ARMH4: variants seen among roughly 807,000 people sequenced by gnomAD.
ARMH4 encodes the protein armadillo like helical domain containing 4.
A neutral mutation model predicts 61.9 loss-of-function variants in ARMH4; 49 were observed. The observed-to-expected ratio is 0.79, with a 90% CI of 0.63 to 1.00. The LOEUF (loss-of-function observed/expected upper bound fraction) is 1.00, where lower values mean the gene tolerates loss of function less well. ARMH4 is among the 50% of genes least tolerant of loss of function. The pLI is 0.00. For synonymous variants in ARMH4, 368 were observed against 341.5 expected (o/e 1.08, Z -0.85); for missense variants, 934 against 930.0 (o/e 1.00, Z -0.06).
At chr14:58,053,047 C>A (rs2141202884) in intron 5 of ARMH4, among the ~76,000 whole-genome samples, 1 of 152,254 alleles carries the variant, frequency 6.6e-6, no homozygotes, top group Middle Eastern at 3.4e-3. Flanking sequence ...TTGATCCTAC[C>A]TCCTAAATTA....
At chr14:58,103,412 A>G (rs1234312727) in intron 4 of ARMH4, among the ~76,000 whole-genome samples, 2 of 152,092 alleles carry the variant, frequency 1.3e-5, no homozygotes, top group African/African-American at 4.8e-5. Flanking sequence ...CCACATGAGG[A>G]CGCAGCAAGA....
chr14:58,111,795 C>A (rs530089685), intron 4 of ARMH4, among the ~76,000 whole-genome samples: 43 of 152,098 alleles, frequency 2.8e-4, no homozygotes, highest in African/African-American at 8.9e-4. Context: ...TGGGCTCAAG[C>A]AATCCTCCTA....
chr14:58,063,950 T>C (rs1884617271), intron 5 of ARMH4, among the ~76,000 whole-genome samples: 1 of 152,098 alleles, frequency 6.6e-6, no homozygotes, highest in Admixed American at 6.5e-5. Flanking sequence ...GAAATAGCAG[T>C]GAAAGGAAGT....
chr14:58,106,324 G>T (rs555714373), intron 4 of ARMH4, among the ~76,000 whole-genome samples: 2 of 152,306 alleles, frequency 1.3e-5, no homozygotes, highest in East Asian at 3.9e-4. Flanking sequence ...ACCTGGATGA[G>T]ATGTCAGCCA....
intron 1 of ARMH4, among the ~76,000 whole-genome samples, chr14:58,144,774 A>G (rs1352231373): frequency 6.6e-6 from 1 of 152,138 alleles, no homozygotes; most frequent in Non-Finnish European, 1.5e-5. Context: ...AGGCTGAGGC[A>G]GGAGAATGGC....
chr14:58,012,375 T>C (rs568619580), intron 5 of ARMH4, among the ~76,000 whole-genome samples: 36 of 152,320 alleles, frequency 2.4e-4, no homozygotes, highest in African/African-American at 8.4e-4. Context: ...TGGAGAATAT[T>C]TTTGTTTGCT....
chr14:58,046,824 C>G (rs556443639), intron 5 of ARMH4, among the ~76,000 whole-genome samples: 2 of 152,306 alleles, frequency 1.3e-5, no homozygotes, highest in East Asian at 3.9e-4. Context: ...CCAGTGCTAA[C>G]AAATTATTTT....
intron 5 of ARMH4, among the ~76,000 whole-genome samples, chr14:58,030,584 G>A (rs886804743): frequency 1.3e-5 from 2 of 152,118 alleles, no homozygotes; most frequent in African/African-American, 4.8e-5. Flanking sequence ...TTCCCATCAA[G>A]TAACACTGAA....
At chr14:58,089,856 T>C (rs754032109) in intron 5 of ARMH4, among the ~76,000 whole-genome samples, 1 of 152,232 alleles carries the variant, frequency 6.6e-6, no homozygotes, top group Admixed American at 6.5e-5. Flanking sequence ...TCCCTCACTA[T>C]AGAATTGCTC....
intron 5 of ARMH4, among the ~76,000 whole-genome samples, chr14:58,089,710 T>C (rs1031606896): frequency 6.6e-6 from 1 of 152,202 alleles, no homozygotes; most frequent in African/African-American, 2.4e-5. Flanking sequence ...AAGGCTCTAA[T>C]ATTGGAAAGC....
intron 5 of ARMH4, among the ~76,000 whole-genome samples, chr14:58,025,125 A>C (rs574308169): frequency 3.3e-5 from 5 of 152,170 alleles, no homozygotes; most frequent in Non-Finnish European, 7.4e-5. Flanking sequence ...TAAGAAATGC[A>C]ATATCTGCAA....
chr14:58,122,102 C>A, intron 4 of ARMH4, among the ~76,000 whole-genome samples: 1 of 152,162 alleles, frequency 6.6e-6, no homozygotes, highest in East Asian at 1.9e-4. Context: ...AGCCAATACT[C>A]GTGCCCATTC....
chr14:58,131,361 G>C, intron 4 of ARMH4, 151 bp downstream of exon 4: 1 of 545,164 alleles, frequency 1.8e-6, no homozygotes, highest in Non-Finnish European at 3.2e-6. Context: ...TCAAAAACAA[G>C]TGGCAGGCCA....
At chr14:58,105,887 G>T (rs1886153748) in intron 4 of ARMH4, among the ~76,000 whole-genome samples, 1 of 152,128 alleles carries the variant, frequency 6.6e-6, no homozygotes, top group Admixed American at 6.5e-5. Flanking sequence ...TTCTAGTCAT[G>T]TTACCTAGAA....
At chr14:58,033,192 C>T (rs1390466760) in intron 5 of ARMH4, among the ~76,000 whole-genome samples, 2 of 114,580 alleles carry the variant, frequency 1.7e-5, no homozygotes, top group Non-Finnish European at 3.9e-5. Flanking sequence ...TCCCAGCACG[C>T]AGCTGGAGAT....
chr14:58,079,059 C>A (rs1267250041), intron 5 of ARMH4, among the ~76,000 whole-genome samples: 1 of 152,176 alleles, frequency 6.6e-6, no homozygotes, highest in Non-Finnish European at 1.5e-5. Context: ...TGAGACCATG[C>A]AATTTGGAAA....
chr14:58,116,484 G>T, intron 4 of ARMH4: 1 of 275,684 alleles, frequency 3.6e-6, no homozygotes, highest in South Asian at 3.2e-5. Flanking sequence ...AGACGAGCCT[G>T]GGCAACATGG....
At chr14:58,095,988 T>C (rs77434693) in intron 5 of ARMH4, among the ~76,000 whole-genome samples, 2,991 of 152,058 alleles carry the variant, frequency 0.02, 107 homozygotes, top group African/African-American at 0.067. Flanking sequence ...CTTAATAGCG[T>C]CTCCCCTGAC....
At chr14:58,116,934 C>CA (rs1886550767) in intron 4 of ARMH4, among the ~76,000 whole-genome samples, 3 of 152,140 alleles carry the variant, frequency 2.0e-5, no homozygotes, top group Admixed American at 2.0e-4. Context: ...GCAATAATTA[C>CA]AAGTTCTAGA....
Sources: gnomAD v4.1 joint callset for allele counts (sites outside exome capture counted in the v4.1 genomes callset) on GRCh38, gnomAD v4.1.1 for gene constraint, MANE v1.5 for transcripts, NCBI Gene and HGNC (gene_info 2026-07-23, HGNC 2026-07-21) for gene names.